CD163L1: variants seen among roughly 807,000 people sequenced by gnomAD.
The protein encoded by CD163L1 is CD163 molecule like 1.
CD163L1 carries 124 observed loss-of-function variants against 165.4 expected under a neutral mutation model. The observed-to-expected ratio is 0.75, with a 90% CI of 0.65 to 0.87. The LOEUF is 0.87. Ranked by LOEUF, CD163L1 falls within the 40% of genes least tolerant of loss-of-function variation. The pLI is 0.00. For synonymous variants in CD163L1, 585 were observed against 662.2 expected, an observed-to-expected ratio of 0.88 and a Z score of 1.79; for missense variants, 1,525 against 1,799.9, an observed-to-expected ratio of 0.85 and a Z score of 2.76.
Position 7,433,363 on chromosome 12 carries a change from T to TAGA in CD163L1, c.445+8_445+10dup, listed in dbSNP as rs754024855. On this transcript the variant is annotated intron_variant, in intron 3 of 19. Transcript: ENST00000313599. ...TCTTACCTTGCCTTCCTACTCTAGT[T>TAGA]AGACTCTTACCATAACAGTTCACAC... 72 of 1,571,426 alleles carry TAGA rather than the reference T, an allele frequency of 4.6e-5. No homozygotes were observed. In the South Asian group the frequency reaches 7.8e-4, roughly 17 times the overall value.
chr12:7,433,276 G>T, intron 3 of CD163L1, 98 bp downstream of exon 3: 1 of 1,034,904 alleles, frequency 9.7e-7, no homozygotes, highest in East Asian at 2.4e-5. Context: ...ACCTCCCAGA[G>T]GGACACTATT....
At chr12:7,421,059 ATATATG>A (rs1287923493) in intron 4 of CD163L1, among the ~76,000 whole-genome samples, 24 of 102,762 alleles carry the variant, frequency 2.3e-4, no homozygotes, top group African/African-American at 1.0e-3. Context: ...GTATATACGT[ATATATG>A]TATATATACG....
chr12:7,428,877 T>A (rs1341624663), intron 4 of CD163L1, among the ~76,000 whole-genome samples: 1 of 152,084 alleles, frequency 6.6e-6, no homozygotes, highest in Non-Finnish European at 1.5e-5. Flanking sequence ...ATAAATAAAT[T>A]ATGTTTGCAG....
At chr12:7,363,180 G>A (rs187034783) in intron 18 of CD163L1, among the ~76,000 whole-genome samples, 2 of 152,116 alleles carry the variant, frequency 1.3e-5, no homozygotes, top group East Asian at 3.9e-4. Flanking sequence ...ATGGTGTCAT[G>A]TGCCTGTAAT....
intron 11 of CD163L1, 80 bp downstream of exon 11, chr12:7,375,201 C>G (rs1591893365): frequency 6.9e-7 from 1 of 1,439,682 alleles, no homozygotes; most frequent in South Asian, 1.3e-5. Context: ...TTTTCTTACT[C>G]ATCTTTCCTT....
Position 7,433,555 on chromosome 12 carries a change from C to T in CD163L1, c.264G>A (p.Gln88=), listed in dbSNP as rs1372245076. 6.2e-7 allele frequency: 1 copy of T among 1,614,026 alleles called. No individual in the cohort carries two copies. Among genetic ancestry groups the T allele is most frequent in the Non-Finnish European group, 8.5e-7 (1 of 1,180,026 alleles). The change falls in exon 3 of 20, where the codon CAG becomes CAA. Residue 88 remains glutamine (Q), a synonymous_variant. Transcript: ENST00000313599. ...NTTASTVVCK[Q]LGCPFSFAMF... ...TGGCGAAAGAAAATGGACATCCAAG[C>T]TGTTTGCACACGACAGTTGAGGCAG... is the stretch of plus-strand genomic sequence containing the variant.
At chr12:7,382,391 C>T (rs1180958631) in intron 8 of CD163L1, among the ~76,000 whole-genome samples, 1 of 151,980 alleles carries the variant, frequency 6.6e-6, no homozygotes, top group African/African-American at 2.4e-5. Context: ...AATTTCACAA[C>T]GAATAGTGTC....
chr12:7,425,615 G>A (rs962330795), intron 4 of CD163L1, among the ~76,000 whole-genome samples: 4 of 151,868 alleles, frequency 2.6e-5, no homozygotes, highest in African/African-American at 9.7e-5. Flanking sequence ...AATCTATAAG[G>A]AACTTAAGCA....
At chr12:7,438,978 C>T (rs1948777038) in intron 2 of CD163L1, 3 of 1,604,586 alleles carry the variant, frequency 1.9e-6, no homozygotes, top group Non-Finnish European at 2.6e-6. Context: ...TCTCTAGTGT[C>T]CTCAACCTTT....
chr12:7,353,197 TA>T (rs1946719645), downstream of CD163L1, among the ~76,000 whole-genome samples: 1 of 151,938 alleles, frequency 6.6e-6, no homozygotes, highest in Non-Finnish European at 1.5e-5. Context: ...ATAAAAAGGC[TA>T]AATAGTAACT....
chr12:7,341,007 G>A, the CD163L1 span, among the ~76,000 whole-genome samples: 11 of 152,050 alleles, frequency 7.2e-5, no homozygotes, highest in Non-Finnish European at 1.2e-4. Flanking sequence ...AATGACTTTT[G>A]TGCTAATTCT....
At chr12:7,426,747 A>G (rs188789060) in intron 4 of CD163L1, among the ~76,000 whole-genome samples, 14 of 152,288 alleles carry the variant, frequency 9.2e-5, no homozygotes, top group Admixed American at 7.2e-4. Flanking sequence ...AAATAAATAA[A>G]TAGACAGAGT....
At chr12:7,333,131 C>T in the CD163L1 span, among the ~76,000 whole-genome samples, 3 of 152,156 alleles carry the variant, frequency 2.0e-5, no homozygotes, top group South Asian at 6.2e-4. Flanking sequence ...AGCTCTGCAC[C>T]AAGCGGACCT....
chr12:7,334,185 CA>C, the CD163L1 span, among the ~76,000 whole-genome samples: 3 of 151,438 alleles, frequency 2.0e-5, no homozygotes, highest in African/African-American at 7.3e-5. Flanking sequence ...GAGACACAAC[CA>C]AAAAAGAGAA....
intron 6 of CD163L1, 73 bp downstream of exon 6, chr12:7,403,462 A>G: frequency 1.4e-6 from 2 of 1,410,284 alleles, no homozygotes; most frequent in Non-Finnish European, 1.9e-6. Flanking sequence ...TCTTCAAGCT[A>G]TTGTTTCTAA....
chr12:7,331,031 C>T, the CD163L1 span, among the ~76,000 whole-genome samples: 3 of 152,308 alleles, frequency 2.0e-5, no homozygotes, highest in South Asian at 6.2e-4. Flanking sequence ...AAGTCTCTTT[C>T]CTAGTGAAAG....
Position 7,421,029 on chromosome 12 carries a change from ATATATACGTGTATATATATG to A in CD163L1, c.766+11367_766+11386del, listed in dbSNP as rs1234335909. Among the ~76,000 whole-genome samples, 10 of 105,336 alleles carry A rather than the reference ATATATACGTGTATATATATG, an allele frequency of 9.5e-5. No individual in the cohort carries two copies. In the East Asian group the frequency reaches 3.1e-3, roughly 33 times the overall value. 69.1% of individuals were successfully genotyped at this position (105,336 alleles called of 152,430 possible). A position where few individuals can be genotyped will look rare whatever the true frequency, so the allele number is the denominator to read the frequency against. On this transcript the variant is annotated intron_variant, in intron 4 of 19. Transcript: ENST00000313599. ...TATATACGTGTATATATATACATAT[ATATATACGTGTATATATATG>A]TATATACGTATATATGTATATATAC...
intron 4 of CD163L1, among the ~76,000 whole-genome samples, chr12:7,421,621 A>G (rs1328697135): frequency 2.0e-4 from 1 of 5,026 alleles, no homozygotes; most frequent in African/African-American, 4.7e-4. Flanking sequence ...ACATATATGT[A>G]CATATATACA....
the CD163L1 span, among the ~76,000 whole-genome samples, chr12:7,332,521 G>A: frequency 6.6e-6 from 1 of 152,156 alleles, no homozygotes. Context: ...AAATGTTAAG[G>A]GCAGCCAGGG....
Sources: allele counts gnomAD v4.1 joint callset (sites outside exome capture counted in the v4.1 genomes callset), GRCh38; gene constraint gnomAD v4.1.1; transcripts MANE v1.5; gene names NCBI Gene and HGNC (gene_info 2026-07-23, HGNC 2026-07-21).